USP28: variants seen among roughly 807,000 people sequenced by gnomAD.
USP28 encodes the protein ubiquitin specific peptidase 28.
A neutral mutation model predicts 145.0 loss-of-function variants in USP28; 113 were observed. The observed-to-expected ratio is 0.78, with a 90% CI of 0.67 to 0.91. The LOEUF (loss-of-function observed/expected upper bound fraction) is 0.91. Ranked by LOEUF, USP28 falls within the 40% of genes least tolerant of loss-of-function variation. The pLI, the probability that USP28 is intolerant of heterozygous loss-of-function variation, is 0.00. For synonymous variants in USP28, 447 were observed against 450.9 expected, an observed-to-expected ratio of 0.99 and a Z score of 0.11; for missense variants, 1,201 against 1,289.6, an observed-to-expected ratio of 0.93 and a Z score of 1.05.
At chr11:113,831,835 G>T in intron 8 of USP28, 85 bp downstream of exon 8, 1 of 1,349,292 alleles carries the variant, frequency 7.4e-7, no homozygotes, top group Non-Finnish European at 1.0e-6. Context: ...GCAATTTCTA[G>T]TTAAGGAGAG....
chr11:113,823,181 A>T (rs1180087314), intron 12 of USP28, among the ~76,000 whole-genome samples: 1 of 152,238 alleles, frequency 6.6e-6, no homozygotes, highest in African/African-American at 2.4e-5. Context: ...TAGCCCTTTT[A>T]ATCAGTTAGC....
At chr11:113,851,143 C>A (rs898618169) in intron 3 of USP28, among the ~76,000 whole-genome samples, 3 of 152,162 alleles carry the variant, frequency 2.0e-5, no homozygotes, top group African/African-American at 7.2e-5. Context: ...GCACTGCTTA[C>A]CCTCCACCAC....
intron 1 of USP28, among the ~76,000 whole-genome samples, chr11:113,873,039 G>A (rs556478182): frequency 6.6e-6 from 1 of 152,308 alleles, no homozygotes; most frequent in Admixed American, 6.5e-5. Flanking sequence ...AAGCAGTCTA[G>A]GCTTTAAATA....
intron 7 of USP28, 31 bp downstream of exon 7, chr11:113,833,389 T>G: frequency 6.2e-7 from 1 of 1,605,608 alleles, no homozygotes. Flanking sequence ...AAGGCATGAC[T>G]TCAAACTCAA....
rs187423764 is a variant in USP28 at position 113,816,930 on chromosome 11, C to T, written c.1463+728G>A. ...ATTTGGTATGTTCTATCCAAATAAG[C>T]ATTTCTATGCATACATGGATGAATA... On this transcript the variant is annotated intron_variant, in intron 13 of 24. Coordinates refer to ENST00000003302, the Ensembl canonical transcript of USP28. Among the ~76,000 whole-genome samples the T allele has an allele frequency of 6.6e-5, 10 of 152,280 alleles. No homozygotes were observed. In the South Asian group the frequency reaches 8.3e-4, roughly 13 times the overall value.
exon 25 of USP28, chr11:113,799,127 C>T (rs957153519): frequency 1.8e-5 from 22 of 1,222,742 alleles, no homozygotes; most frequent in South Asian, 3.1e-5. Flanking sequence ...GGGGTCTGAT[C>T]GGAATCTTAT....
At chr11:113,874,137 T>C (rs1591540058) in intron 1 of USP28, among the ~76,000 whole-genome samples, 1 of 99,504 alleles carries the variant, frequency 1.0e-5, no homozygotes, top group Admixed American at 1.2e-4. Context: ...TGAGACTCCG[T>C]CTGGAAAAAA....
At chr11:113,851,204 T>TC (rs1946407145) in intron 3 of USP28, among the ~76,000 whole-genome samples, 1 of 151,902 alleles carries the variant, frequency 6.6e-6, no homozygotes, top group South Asian at 2.1e-4. Context: ...CACTACCTCC[T>TC]CCCCCACATT....
At chr11:113,818,031 T>C (rs980983064) in intron 12 of USP28, 194 bp from the exon 13 acceptor site, 6 of 479,466 alleles carry the variant, frequency 1.3e-5, no homozygotes, top group African/African-American at 1.2e-4. Flanking sequence ...TTGCCAACAA[T>C]CTGAAGTTTT....
At chr11:113,832,136 G>GTC (rs914154983) in intron 7 of USP28, 143 bp from the exon 8 acceptor site, 2 of 714,190 alleles carry the variant, frequency 2.8e-6, no homozygotes, top group African/African-American at 3.6e-5. Context: ...TTGAGACAGG[G>GTC]TCTCACTCTG....
intron 3 of USP28, among the ~76,000 whole-genome samples, chr11:113,852,163 G>C (rs1946535264): frequency 1.3e-5 from 2 of 152,092 alleles, no homozygotes; most frequent in South Asian, 2.1e-4. Context: ...CGAGCAGCTG[G>C]GACTACAGGT....
intron 11 of USP28, among the ~76,000 whole-genome samples, chr11:113,826,129 T>C (rs929522488): frequency 6.6e-6 from 1 of 151,348 alleles, no homozygotes; most frequent in Admixed American, 6.6e-5. Context: ...CTAAAAATAC[T>C]AAAATTAGCT....
chr11:113,831,097 A>T, intron 8 of USP28, 154 bp from the exon 9 acceptor site: 1 of 669,900 alleles, frequency 1.5e-6, no homozygotes, highest in Non-Finnish European at 2.6e-6. Flanking sequence ...GTTCAGTTCA[A>T]ATATTTATTG....
chr11:113,815,351 C>T, exon 14 of USP28: 1 of 1,614,108 alleles, frequency 6.2e-7, no homozygotes, highest in African/African-American at 1.3e-5. Flanking sequence ...AAGGTACTTT[C>T]AACATCCTGA....
At position 113,803,176 on chromosome 11, in the gene USP28, G is replaced by C; in HGVS notation, c.2844C>G (p.Tyr948Ter). 1.9e-6 allele frequency: 3 copies of C among 1,613,948 alleles called. No homozygotes were observed. The highest frequency in any genetic ancestry group is 1.7e-6 in the Non-Finnish European group (2 of 1,179,904). The change falls in exon 23 of 25, where the codon TAC (tyrosine) becomes TAG (stop). Residue 948 changes from tyrosine (Y) to a stop codon, truncating the protein, a stop_gained. Transcript: ENST00000003302. LOFTEE classifies it high-confidence loss of function. ...TACAAACCAGAAGGCATTTTCTTCG[G>C]TATAAAGCAATCACGGATTCTTTGA... is the stretch of plus-strand genomic sequence containing the variant.
At chr11:113,803,203 C>T (rs1939354400) in exon 23 of USP28, 14 of 1,614,020 alleles carry the variant, frequency 8.7e-6, no homozygotes, top group Middle Eastern at 1.7e-4. Context: ...ATTCTTTGAC[C>T]CCCCGGCGGG....
intron 1 of USP28, among the ~76,000 whole-genome samples, chr11:113,854,750 T>C (rs981861485): frequency 2.6e-5 from 4 of 152,212 alleles, no homozygotes; most frequent in East Asian, 3.8e-4. Context: ...AAACAAGGTA[T>C]TGGCTGTCAG....
Position 113,831,612 on chromosome 11 carries a change from C to G in USP28, c.833+308G>C, listed in dbSNP as rs576254079. 3.9e-5 allele frequency among the ~76,000 whole-genome samples: 6 copies of G among 152,022 alleles called. No individual in the cohort carries two copies. In the East Asian group the frequency reaches 1.2e-3, roughly 29 times the overall value. ...TACCCATATTATACCATCATGTTCA[C>G]AACAGAGGTTGATTTGTCCTTTTTA... On this transcript the variant is annotated intron_variant, in intron 8 of 24. Transcript: ENST00000003302.
At chr11:113,852,271 G>A (rs527866847) in intron 3 of USP28, among the ~76,000 whole-genome samples, 33 of 152,238 alleles carry the variant, frequency 2.2e-4, no homozygotes, top group African/African-American at 4.8e-4. Context: ...CTCGTAATCC[G>A]CCTGCCTCGG....
Sources: gnomAD v4.1 joint callset for allele counts (sites outside exome capture counted in the v4.1 genomes callset) on GRCh38, gnomAD v4.1.1 for gene constraint, MANE v1.5 for transcripts, NCBI Gene and HGNC (gene_info 2026-07-23, HGNC 2026-07-21) for gene names.